The following PARP16 variants were observed in gnomAD, a reference collection of about 807,000 sequenced individuals.
PARP16 encodes poly(ADP-ribose) polymerase family member 16, also known as protein mono-ADP-ribosyltransferase PARP16.
PARP16 carries 31 observed loss-of-function variants against 35.0 expected under a neutral mutation model. The observed-to-expected ratio is 0.88, with a 90% CI of 0.66 to 1.19. The LOEUF is 1.19. Ranked by LOEUF, PARP16 falls within the 50% of genes most tolerant of loss-of-function variation. The pLI is 0.00. For synonymous variants in PARP16, 162 were observed against 169.5 expected, an observed-to-expected ratio of 0.96 and a Z score of 0.34; for missense variants, 424 against 411.2, an observed-to-expected ratio of 1.03 and a Z score of -0.27.
At chr15:65,260,107 A>G (rs1031788324) in intron 5 of PARP16, among the ~76,000 whole-genome samples, 19 of 152,088 alleles carry the variant, frequency 1.2e-4, no homozygotes, top group Non-Finnish European at 1.6e-4. Context: ...CCCTATATAC[A>G]TTTCCCAAAT....
chr15:65,251,543 G>A (rs2089357988), intron 2 of PARP16, among the ~76,000 whole-genome samples: 1 of 150,386 alleles, frequency 6.6e-6, no homozygotes, highest in Admixed American at 6.7e-5. Context: ...GACTTTGCAT[G>A]GCAGCCAGAT....
intron 3 of PARP16, among the ~76,000 whole-genome samples, chr15:65,239,147 G>C (rs1334266015): frequency 6.6e-6 from 1 of 151,844 alleles, no homozygotes; most frequent in Non-Finnish European, 1.5e-5. Context: ...AAAAAGGAAG[G>C]CTGGGTGCGG....
chr15:65,265,358 GGT>G (rs2089856161), intron 3 of PARP16, among the ~76,000 whole-genome samples: 1 of 152,202 alleles, frequency 6.6e-6, no homozygotes, highest in South Asian at 2.1e-4. Flanking sequence ...GGAGGGTAAT[GGT>G]GTCCTTTTTT....
rs563318529 is a variant in PARP16 at position 65,240,717 on chromosome 15, G to T, written c.*98-5894C>A. Among the ~76,000 whole-genome samples the T allele has an allele frequency of 5.3e-4, 81 of 152,274 alleles. 2 individuals are homozygous for T. The South Asian group carries it at 0.016, about 30-fold the overall frequency. On this transcript the variant is annotated intron_variant and NMD_transcript_variant, in intron 3 of 3. Coordinates refer to the PARP16 transcript ENST00000559805. ...ATGCAAGGCTGCTGTAACCATTCAT[G>T]TATAGGTCTTTGTATGAGCTTCTGC...
chr15:65,231,354 G>T (rs2088777080), downstream of PARP16, among the ~76,000 whole-genome samples: 1 of 151,872 alleles, frequency 6.6e-6, no homozygotes, highest in Admixed American at 6.5e-5. Context: ...CTATTGTTTG[G>T]TATTTTCCCC....
Position 65,259,475 on chromosome 15 carries a change from G to A in PARP16, c.901C>T (p.Leu301=). ...TTGATGACACTCACTATGAGCAGCA[G>A]CAGCAGATACAGGGATATCATGACG... The part of the protein sequence containing the change: ...FTVMISLYLL[L]LLIVSVINSS... Residue 301 remains leucine (L), a synonymous_variant, in exon 6 of 6, where the codon CTG becomes TTG. Coordinates refer to ENST00000649807, the MANE Select transcript of PARP16 (RefSeq NM_001316943.2). The A allele has an allele frequency of 6.2e-7, 1 of 1,613,360 alleles. No individual in the cohort carries two copies. Among genetic ancestry groups the A allele is most frequent in the Non-Finnish European group, 8.5e-7 (1 of 1,179,232 alleles).
Position 65,286,332 on chromosome 15 carries a change from T to C in PARP16, c.95A>G (p.Gln32Arg). 6.2e-7 allele frequency: 1 copy of C among 1,604,392 alleles called. No homozygotes were observed. Among genetic ancestry groups the C allele is most frequent in the Non-Finnish European group, 8.5e-7 (1 of 1,176,610 alleles). ...CAGCACCGAGTCGCGCTTGTAGCTC[T>C]GCAGGGCCGAGGCGAAGAGGCTGCA... ...LRCSLFASALQSYKRDSVLRP... is the reference protein window; with the variant it reads ...LRCSLFASALRSYKRDSVLRP... Residue 32 changes from glutamine (Q) to arginine (R), a missense_variant, in exon 1 of 6, where the codon CAG becomes CGG. Gln to Arg is a conservative substitution (Grantham distance 43). Coordinates refer to ENST00000649807, the MANE Select transcript of PARP16 (RefSeq NM_001316943.2).
At chr15:65,238,302 T>C (rs898863362) in intron 3 of PARP16, among the ~76,000 whole-genome samples, 1 of 152,006 alleles carries the variant, frequency 6.6e-6, no homozygotes, top group African/African-American at 2.4e-5. Context: ...AAAAAAAACA[T>C]TTATTTGCTA....
intron 5 of PARP16, among the ~76,000 whole-genome samples, chr15:65,259,819 C>T (rs776863301): frequency 6.6e-6 from 1 of 152,222 alleles, no homozygotes. Context: ...TTACCATTTA[C>T]AACCCATCTT....
rs34910178 is a variant in PARP16 at position 65,239,452 on chromosome 15, A to AAAAAAAGAG, written c.*98-4630_*98-4629insCTCTTTTTT. Among the ~76,000 whole-genome samples, 33 of 113,100 alleles carry AAAAAAAGAG rather than the reference A, an allele frequency of 2.9e-4. 2 individuals carry two copies. Among genetic ancestry groups the AAAAAAAGAG allele is most frequent in the Non-Finnish European group, 5.0e-4 (26 of 52,412 alleles). The allele number at this position is 113,100 out of a possible 152,430, so 74.2% of individuals were successfully genotyped here. A position where few individuals can be genotyped will look rare whatever the true frequency, so the allele number is the denominator to read the frequency against. ...AAAAAAAAAAAAAAAAAAAAAAAAA[A>AAAAAAAGAG]AGAGAGAAAAGAAAAAAAAAAGAAA... On this transcript the variant is annotated intron_variant and NMD_transcript_variant, in intron 3 of 3. Transcript: ENST00000559805.
At chr15:65,246,262 G>T (rs564611087) in intron 3 of PARP16, among the ~76,000 whole-genome samples, 2 of 152,216 alleles carry the variant, frequency 1.3e-5, no homozygotes, top group Admixed American at 6.5e-5. Context: ...GGCTCTAGGG[G>T]ATTCCCGAGA....
chr15:65,283,152 T>A (rs1049521052), intron 1 of PARP16, among the ~76,000 whole-genome samples: 1 of 152,152 alleles, frequency 6.6e-6, no homozygotes, highest in African/African-American at 2.4e-5. Flanking sequence ...AAAGCTGCAC[T>A]GTGGCCAAGT....
rs191959718 is a variant in PARP16, at chr15:65,261,145, G to A, written c.692-119C>T. 4.7e-6 allele frequency: 4 copies of A among 847,306 alleles called. No individual in the cohort carries two copies. The Admixed American group carries it at 7.4e-5, about 16-fold the overall frequency. The allele number at this position is 847,306 out of a possible 1,614,324, so 52.5% of individuals were successfully genotyped here. A position where few individuals can be genotyped will look rare whatever the true frequency, so the allele number is the denominator to read the frequency against. On this transcript the variant is annotated intron_variant, in intron 4 of 5. Coordinates refer to ENST00000649807, the MANE Select transcript of PARP16 (RefSeq NM_001316943.2). ...GGGGGAAGAAGGCCTGGCAGGCTGA[G>A]GAACAGACCTGTGTGTGCATGAAGC...
intron 1 of PARP16, among the ~76,000 whole-genome samples, chr15:65,285,853 T>G (rs2090576576): frequency 6.6e-6 from 1 of 152,220 alleles, no homozygotes; most frequent in African/African-American, 2.4e-5. Context: ...GACCAATGTC[T>G]GGGCGGCTTT....
At chr15:65,279,013 C>T (rs1261584519) in intron 1 of PARP16, among the ~76,000 whole-genome samples, 1 of 152,122 alleles carries the variant, frequency 6.6e-6, no homozygotes, top group Non-Finnish European at 1.5e-5. Context: ...TATGAAAGGC[C>T]AGATTTGCCA....
chr15:65,276,879 G>T (rs1477972695), intron 1 of PARP16, among the ~76,000 whole-genome samples: 6 of 151,822 alleles, frequency 4.0e-5, no homozygotes, highest in African/African-American at 1.2e-4. Flanking sequence ...CTACTTGGGA[G>T]GCTGAGGCAG....
At chr15:65,249,856 T>A (rs2089307095) in intron 2 of PARP16, among the ~76,000 whole-genome samples, 1 of 152,160 alleles carries the variant, frequency 6.6e-6, no homozygotes, top group African/African-American at 2.4e-5. Flanking sequence ...ATGATGGGGC[T>A]GGGAAGGTTA....
chr15:65,234,401 T>A (rs1567005280), downstream of PARP16: 1 of 152,168 alleles, frequency 6.6e-6, no homozygotes, highest in East Asian at 1.9e-4. Context: ...CAAGACCTCT[T>A]GGGGGAGAAG....
At chr15:65,233,135 C>G (rs1441952807), downstream of PARP16, among the ~76,000 whole-genome samples, 1 of 152,174 alleles carries the variant, frequency 6.6e-6, no homozygotes, top group African/African-American at 2.4e-5. Flanking sequence ...ACCTGTTGAC[C>G]AGGTGCGGTG....
Sources: gnomAD v4.1 joint callset for allele counts (sites outside exome capture counted in the v4.1 genomes callset) on GRCh38, gnomAD v4.1.1 for gene constraint, MANE v1.5 for transcripts, NCBI Gene and HGNC (gene_info 2026-07-23, HGNC 2026-07-21) for gene names.